The following SCN9A variants were observed in gnomAD, a reference collection of about 807,000 sequenced individuals.
The protein encoded by SCN9A is sodium voltage-gated channel alpha subunit 9, also known as sodium channel protein type 9 subunit alpha.
Under a neutral mutation model 187.0 loss-of-function variants are expected in SCN9A, and 131 were observed. The observed-to-expected ratio is 0.70, with a 90% CI of 0.61 to 0.81. The LOEUF (loss-of-function observed/expected upper bound fraction) is 0.81, where lower values mean the gene tolerates loss of function less well. SCN9A is among the 30% of genes least tolerant of loss of function. SCN9A has a pLI of 0.00. For synonymous variants in SCN9A, 809 were observed against 808.6 expected (o/e 1.00, Z -0.01); for missense variants, 2,252 against 2,396.6 (o/e 0.94, Z 1.26).
rs755896255 is a variant in SCN9A at position 166,284,625 on chromosome 2, T to G, written c.1802A>C (p.Asn601Thr). Reference protein sequence around the residue: ...PHRPQERRSSNISQASRSPPM... With the variant: ...PHRPQERRSSTISQASRSPPM... ...TGGGGACCTACTGGCTTGGCTGATG[T>G]TACTGCTGCGTCGCTCCTGGGGTCT... The change falls in exon 12 of 27, where the codon AAC (asparagine) becomes ACC (threonine). Residue 601 changes from asparagine to threonine, a missense_variant. Asn to Thr is a moderately conservative substitution (Grantham distance 65). This residue lies in a region of SCN9A where 1,013 missense variants were observed against 997.4 expected (regional missense o/e 1.02). Transcript: ENST00000642356. 6.2e-6 allele frequency: 10 copies of G among 1,613,896 alleles called. No individual in the cohort carries two copies. The highest frequency in any genetic ancestry group is 8.5e-6 in the Non-Finnish European group (10 of 1,179,890).
At chr2:166,313,849 G>T (rs1699039581) in intron 1 of SCN9A, among the ~76,000 whole-genome samples, 1 of 152,148 alleles carries the variant, frequency 6.6e-6, no homozygotes, top group African/African-American at 2.4e-5. Flanking sequence ...TCTAGCTTCT[G>T]ATTTAAAGTG....
chr2:166,229,009 A>C (rs546411359), intron 21 of SCN9A, 37 bp from the exon 22 acceptor site: 1 of 1,539,996 alleles, frequency 6.5e-7, no homozygotes, highest in South Asian at 1.2e-5. Flanking sequence ...GATTAGGATT[A>C]GTAAGATGTT....
At chr2:166,362,349 A>G (rs1233930456) in intron 1 of SCN9A, among the ~76,000 whole-genome samples, 1 of 152,038 alleles carries the variant, frequency 6.6e-6, no homozygotes, top group Non-Finnish European at 1.5e-5. Flanking sequence ...CCCTCACCAT[A>G]ATCTGGGAAT....
At chr2:166,320,727 A>G (rs564580989) in intron 1 of SCN9A, among the ~76,000 whole-genome samples, 1 of 152,210 alleles carries the variant, frequency 6.6e-6, no homozygotes, top group African/African-American at 2.4e-5. Flanking sequence ...ACAACACAAA[A>G]TTAATGTTTT....
chr2:166,225,757 A>G (rs1012547921), intron 24 of SCN9A, among the ~76,000 whole-genome samples: 4 of 152,174 alleles, frequency 2.6e-5, no homozygotes, highest in Non-Finnish European at 5.9e-5. Flanking sequence ...CCTTACTAGT[A>G]GAGGAGAAAG....
Position 166,199,229 on chromosome 2 carries a change from C to G in SCN9A, c.5410G>C (p.Asp1804His), listed in dbSNP as rs769097206. The change falls in exon 27 of 27, where the codon GAT (aspartate) becomes CAT (histidine). Residue 1804 changes from aspartate to histidine, a missense_variant. Asp to His is a moderately conservative substitution (Grantham distance 81). Coordinates refer to ENST00000642356, the MANE Select transcript of SCN9A (RefSeq NM_001365536.1). Reference protein sequence around the residue: ...TQFIEFSKLSDFAAALDPPLL... With the variant: ...TQFIEFSKLSHFAAALDPPLL... ...GGAGGATCCAGGGCAGCTGCAAAATCAGAGAGTTTAGAGAACTCTATAAAC... is the reference window on the plus strand; with the variant it reads ...GGAGGATCCAGGGCAGCTGCAAAATGAGAGAGTTTAGAGAACTCTATAAAC... The G allele has an allele frequency of 4.3e-6, 7 of 1,614,154 alleles. No individual in the cohort carries two copies. Among genetic ancestry groups the G allele is most frequent in the Non-Finnish European group, 4.2e-6 (5 of 1,180,026 alleles).
intron 1 of SCN9A, among the ~76,000 whole-genome samples, chr2:166,318,166 T>C (rs1159931981): frequency 6.6e-6 from 1 of 152,140 alleles, no homozygotes; most frequent in African/African-American, 2.4e-5. Context: ...TCCTAGGGTA[T>C]CCATGTCCAT....
chr2:166,284,373 G>A, intron 12 of SCN9A, 80 bp downstream of exon 12: 1 of 1,503,070 alleles, frequency 6.7e-7, no homozygotes. Context: ...CACAAGACCA[G>A]AGAAGGCCCT....
rs773030286 is a variant in SCN9A, at chr2:166,311,641, T to C, written c.116A>G (p.Lys39Arg). 1.2e-6 allele frequency: 2 copies of C among 1,613,446 alleles called. No individual in the cohort carries two copies. The highest frequency in any genetic ancestry group is 1.7e-6 in the Non-Finnish European group (2 of 1,179,796). The part of the protein sequence containing the change: ...ERKSKEPKEE[K>R]KDDDEEAPKP... The stretch of plus-strand genomic sequence containing the variant: ...TGGGGCTTCTTCATCATCATCTTTC[T>C]TTTCTTCTTTGGGTTCCTTTGATTT... Residue 39 changes from lysine (K) to arginine (R), a missense_variant, in exon 2 of 27, where the codon AAG becomes AGG. By Grantham distance (26) the Lys-to-Arg change is conservative. Transcript: ENST00000642356.
At chr2:166,290,972 T>C (rs1698039899) in intron 9 of SCN9A, among the ~76,000 whole-genome samples, 3 of 152,124 alleles carry the variant, frequency 2.0e-5, no homozygotes, top group South Asian at 2.1e-4. Flanking sequence ...ATAGCCAATA[T>C]CATACTGAAT....
intron 5 of SCN9A, 110 bp from the exon 6 acceptor site, chr2:166,304,439 G>A (rs1383204608): frequency 5.8e-6 from 5 of 861,176 alleles, no homozygotes; most frequent in Non-Finnish European, 9.0e-6. Context: ...TAAATGTATA[G>A]TTCTGCAAGT....
rs1198725043 is a variant in SCN9A at position 166,198,909 on chromosome 2, T to C, written c.5730A>G (p.Lys1910=). The change falls in exon 27 of 27, where the codon AAA becomes AAG. Residue 1910 remains lysine, a synonymous_variant. Transcript: ENST00000642356. ...YRRYRLRQNV[K]NISSIYIKDG... ...CTTTTATGTATATACTTGATATATT[T>C]TTGACATTTTGCCTTAAGCGGTAAC... The C allele has an allele frequency of 2.5e-6, 4 of 1,613,848 alleles. No individual in the cohort carries two copies. The East Asian group carries it at 8.9e-5, about 36-fold the overall frequency.
rs563381047 is a variant in SCN9A, at chr2:166,284,178, G to A, written c.1974+275C>T. 5.6e-4 allele frequency among the ~76,000 whole-genome samples: 85 copies of A among 152,054 alleles called. 1 individual carries two copies. The South Asian group carries it at 0.013, about 23-fold the overall frequency. On this transcript the variant is annotated intron_variant, in intron 12 of 26. Coordinates refer to ENST00000642356, the MANE Select transcript of SCN9A (RefSeq NM_001365536.1). ...CTGATATCTATCTATATATGTATCC[G>A]TCATAAATTGTTCTCTAAAGAGATT...
rs572180219 is a variant in SCN9A, at chr2:166,271,948, T to C, written c.3351+451A>G. 9.9e-5 allele frequency among the ~76,000 whole-genome samples: 15 copies of C among 152,248 alleles called. No individual in the cohort carries two copies. In the East Asian group the frequency reaches 2.9e-3, roughly 29 times the overall value. On this transcript the variant is annotated intron_variant, in intron 17 of 26. Coordinates refer to ENST00000642356, the MANE Select transcript of SCN9A (RefSeq NM_001365536.1). ...AGAGTGAAATGATTAGGACTGAATC[T>C]GCATGAGCGAAAATAATCAAATAAG... is the stretch of plus-strand genomic sequence containing the variant.
intron 24 of SCN9A, 144 bp from the exon 25 acceptor site, chr2:166,204,608 T>A (rs1034236808): frequency 3.2e-5 from 15 of 464,104 alleles, no homozygotes; most frequent in Admixed American, 2.7e-4. Context: ...ACATAAAATA[T>A]ATCTTAAATA....
intron 17 of SCN9A, among the ~76,000 whole-genome samples, chr2:166,255,140 A>G (rs1385936211): frequency 6.6e-6 from 1 of 151,504 alleles, no homozygotes; most frequent in Non-Finnish European, 1.5e-5. Context: ...AGAGAGAGAG[A>G]GAGACATATC....
chr2:166,272,826 T>C lies in SCN9A; in HGVS notation c.2924A>G (p.Asn975Ser), dbSNP rs576744283. 1.5e-5 allele frequency: 23 copies of C among 1,517,338 alleles called. No individual in the cohort carries two copies. In the African/African-American group the frequency reaches 2.8e-4, roughly 18 times the overall value. 94.0% of individuals were successfully genotyped at this position (1,517,338 alleles called of 1,614,324 possible). ...AGGGTCTTCTTCAATTGCTGTAAGA[T>C]TGTCTGAACTAAATGAGCTCAATAA... ...ALLLSSFSSD[N>S]LTAIEEDPDA... The change falls in exon 17 of 27, where the codon AAT becomes AGT. Residue 975 changes from asparagine (N) to serine (S), a missense_variant. Asn to Ser is a conservative substitution (Grantham distance 46). Transcript: ENST00000642356.
At chr2:166,266,526 G>A (rs1696745056) in intron 17 of SCN9A, among the ~76,000 whole-genome samples, 1 of 147,832 alleles carries the variant, frequency 6.8e-6, no homozygotes, top group Admixed American at 6.8e-5. Flanking sequence ...TTTGTTCCAG[G>A]TTACTTGGGC....
chr2:166,309,928 G>T (rs1698886683), intron 2 of SCN9A, among the ~76,000 whole-genome samples: 1 of 140,394 alleles, frequency 7.1e-6, no homozygotes, highest in South Asian at 2.3e-4. Flanking sequence ...ACAGAACAGA[G>T]CCCTCAGAAA....
Sources: allele counts gnomAD v4.1 joint callset (sites outside exome capture counted in the v4.1 genomes callset), GRCh38; gene constraint gnomAD v4.1.1; regional missense constraint gnomAD v4.1.1; transcripts MANE v1.5; gene names NCBI Gene and HGNC (gene_info 2026-07-23, HGNC 2026-07-21).